The following SGCD variants were observed in gnomAD, a reference collection of about 807,000 sequenced individuals.
SGCD encodes the protein delta-sarcoglycan.
In SGCD, 18 loss-of-function variants were observed where a neutral mutation model predicts 36.6. The observed-to-expected ratio is 0.49, with a 90% CI of 0.34 to 0.73. SGCD has a LOEUF of 0.73. Ranked by LOEUF, SGCD falls within the 30% of genes least tolerant of loss-of-function variation. The probability of loss-of-function intolerance (pLI) is 0.01; values close to 1 mark genes in which losing one functional copy is unlikely to be tolerated. For synonymous variants in SGCD, 133 were observed against 130.6 expected, an observed-to-expected ratio of 1.02 and a Z score of -0.12; for missense variants, 387 against 346.7, an observed-to-expected ratio of 1.12 and a Z score of -0.92.
intron 3 of SGCD, among the ~76,000 whole-genome samples, chr5:156,263,980 T>C (rs983255796): frequency 7.2e-5 from 11 of 152,050 alleles, no homozygotes; most frequent in African/African-American, 2.7e-4. Context: ...AATTTTAAGA[T>C]ATGTCTTTTG....
chr5:155,825,723 T>C, the SGCD span, among the ~76,000 whole-genome samples: 102 of 29,210 alleles, frequency 3.5e-3, 1 homozygote, highest in African/African-American at 0.014. Context: ...TTGACTTTAT[T>C]ATTTGTTTTT....
intron 1 of SGCD, among the ~76,000 whole-genome samples, chr5:156,068,956 T>C (rs1199213003): frequency 6.6e-6 from 1 of 152,082 alleles, no homozygotes; most frequent in Non-Finnish European, 1.5e-5. Context: ...CTTTGCCCAC[T>C]TTTTGATGGG....
intron 1 of SGCD, among the ~76,000 whole-genome samples, chr5:156,103,258 G>GA (rs1373658097): frequency 6.6e-6 from 1 of 152,118 alleles, no homozygotes; most frequent in Non-Finnish European, 1.5e-5. Context: ...CTTCATAAAT[G>GA]AAAATGAAAG....
chr5:156,508,263 G>A (rs765654946), intron 3 of SGCD, among the ~76,000 whole-genome samples: 1 of 152,058 alleles, frequency 6.6e-6, no homozygotes, highest in Non-Finnish European at 1.5e-5. Flanking sequence ...TTTTCCTGGA[G>A]AATTATCCTT....
intron 3 of SGCD, among the ~76,000 whole-genome samples, chr5:156,466,320 A>T (rs1754719920): frequency 1.3e-5 from 2 of 152,184 alleles, no homozygotes; most frequent in Admixed American, 1.3e-4. Flanking sequence ...CAAGAAATAA[A>T]TTTTTTTAAC....
chr5:156,500,241 A>G (rs143347733), intron 3 of SGCD, among the ~76,000 whole-genome samples: 1 of 152,290 alleles, frequency 6.6e-6, no homozygotes, highest in African/African-American at 2.4e-5. Context: ...TCAAAATACA[A>G]CCATTTGGAA....
intron 1 of SGCD, among the ~76,000 whole-genome samples, chr5:155,912,412 C>T (rs1457870383): frequency 6.6e-6 from 1 of 152,132 alleles, no homozygotes; most frequent in Non-Finnish European, 1.5e-5. Context: ...ATGCCTTCAA[C>T]ATTTTTCTTT....
intron 4 of SGCD, among the ~76,000 whole-genome samples, chr5:156,579,149 C>G (rs983144217): frequency 3.3e-5 from 5 of 152,298 alleles, no homozygotes; most frequent in Middle Eastern, 6.8e-3. Flanking sequence ...ATCCTTATTT[C>G]TGCCTTCATT....
chr5:156,749,209 C>A (rs1335186769), intron 7 of SGCD, among the ~76,000 whole-genome samples: 1 of 151,974 alleles, frequency 6.6e-6, no homozygotes, highest in East Asian at 1.9e-4. Flanking sequence ...CTAAAGAACG[C>A]CCTTCTATAA....
chr5:156,415,711 A>T (rs1444563023), intron 3 of SGCD, among the ~76,000 whole-genome samples: 1 of 152,168 alleles, frequency 6.6e-6, no homozygotes, highest in Non-Finnish European at 1.5e-5. Flanking sequence ...TAGGTATTCA[A>T]TGGCCTGTCC....
At chr5:155,775,994 A>G in the SGCD span, among the ~76,000 whole-genome samples, 1 of 152,216 alleles carries the variant, frequency 6.6e-6, no homozygotes, top group Admixed American at 6.5e-5. Context: ...CTGTATTCAA[A>G]AAAGTGAAAA....
chr5:156,395,292 C>A (rs1186074106), intron 3 of SGCD, among the ~76,000 whole-genome samples: 1 of 152,130 alleles, frequency 6.6e-6, no homozygotes, highest in East Asian at 1.9e-4. Flanking sequence ...ACTAGGGCAT[C>A]CTATGTGATT....
chr5:156,413,930 A>G (rs909863533), intron 3 of SGCD, among the ~76,000 whole-genome samples: 5 of 152,092 alleles, frequency 3.3e-5, no homozygotes, highest in African/African-American at 4.8e-5. Context: ...GGTTTTGGAG[A>G]TGAAAGTCAT....
chr5:155,890,958 G>A (rs938840964), intron 1 of SGCD, among the ~76,000 whole-genome samples: 1 of 152,094 alleles, frequency 6.6e-6, no homozygotes, highest in Non-Finnish European at 1.5e-5. Flanking sequence ...CAGCCTCATT[G>A]TGTCTCCCTA....
At chr5:156,235,245 G>GCCTACTGA (rs11281372) in intron 3 of SGCD, among the ~76,000 whole-genome samples, 91,523 of 151,286 alleles carry the variant, frequency 0.6, 27,822 homozygotes, top group East Asian at 0.69. Context: ...TGTGCATGTG[G>GCCTACTGA]CTTGGGACTC....
intron 7 of SGCD, among the ~76,000 whole-genome samples, chr5:156,695,504 GATAGATGGATAGATAGATA>G (rs1754277790): frequency 1.8e-5 from 2 of 108,574 alleles, no homozygotes; most frequent in African/African-American, 5.9e-5. Flanking sequence ...TAGATAGATA[GATAGATGGATAGATAGATA>G]GATAGATAGA....
intron 7 of SGCD, among the ~76,000 whole-genome samples, chr5:156,755,383 A>T (rs530416328): frequency 1.9e-4 from 29 of 152,358 alleles, no homozygotes; most frequent in African/African-American, 7.0e-4. Context: ...AAACAGAAGC[A>T]GTTAGAAAAC....
At chr5:156,377,175 A>C (rs1419238701) in intron 3 of SGCD, among the ~76,000 whole-genome samples, 1 of 152,178 alleles carries the variant, frequency 6.6e-6, no homozygotes, top group Non-Finnish European at 1.5e-5. Flanking sequence ...ACTTTAAGCT[A>C]ATTAGTCTAA....
intron 6 of SGCD, among the ~76,000 whole-genome samples, chr5:156,647,048 C>T (rs538505332): frequency 3.0e-4 from 46 of 152,278 alleles, no homozygotes; most frequent in Non-Finnish European, 1.2e-4. Context: ...TAACCCACTG[C>T]GTAGATGTCA....
Sources: allele counts gnomAD v4.1 joint callset (sites outside exome capture counted in the v4.1 genomes callset), GRCh38; gene constraint gnomAD v4.1.1; transcripts MANE v1.5; gene names NCBI Gene and HGNC (gene_info 2026-07-23, HGNC 2026-07-21).